The following DLG2 variants were observed in gnomAD, a reference collection of about 807,000 sequenced individuals.
DLG2 encodes discs large MAGUK scaffold protein 2.
DLG2 carries 45 observed loss-of-function variants against 132.5 expected under a neutral mutation model. That is an observed-to-expected ratio of 0.34 (90% CI 0.27 to 0.44). DLG2 has a LOEUF of 0.44. DLG2 is among the 20% of genes least tolerant of loss of function. DLG2 has a pLI of 1.00. For synonymous variants in DLG2, 424 were observed against 419.6 expected, an observed-to-expected ratio of 1.01 and a Z score of -0.13; for missense variants, 1,045 against 1,196.9, an observed-to-expected ratio of 0.87 and a Z score of 1.87.
intron 6 of DLG2, among the ~76,000 whole-genome samples, chr11:84,983,734 A>AT (rs2056096687): frequency 6.6e-6 from 1 of 152,216 alleles, no homozygotes; most frequent in African/African-American, 2.4e-5. Context: ...ATTTAAGGAA[A>AT]TTTTTTAAAA....
At chr11:85,109,554 G>C (rs990643586) in intron 6 of DLG2, among the ~76,000 whole-genome samples, 1 of 152,042 alleles carries the variant, frequency 6.6e-6, no homozygotes, top group Non-Finnish European at 1.5e-5. Context: ...TAATTCAAAA[G>C]ACAGAATCCT....
intron 11 of DLG2, among the ~76,000 whole-genome samples, chr11:83,998,439 T>G (rs1486800910): frequency 6.6e-6 from 1 of 152,124 alleles, no homozygotes; most frequent in African/African-American, 2.4e-5. Context: ...GAGAAAATAC[T>G]GGAATGTAAT....
At chr11:83,484,043 C>G in intron 22 of DLG2, 86 bp downstream of exon 22, 2 of 1,058,454 alleles carry the variant, frequency 1.9e-6, no homozygotes, top group Non-Finnish European at 2.9e-6. Flanking sequence ...AGGTGTGTGG[C>G]GTGGGAGAGC....
At position 85,263,102 on chromosome 11, in the gene DLG2, G is replaced by A. The variant is rs116113471; in HGVS notation, c.186+22118C>T. ...ACTTATGTCTGCTGAGGGACTCCAA[G>A]ATGCACTTTCCAAAGGGCATCCCAT... On this transcript the variant is annotated intron_variant, in intron 4 of 27. Transcript: ENST00000376104. 6.0e-4 allele frequency among the ~76,000 whole-genome samples: 92 copies of A among 152,274 alleles called. 1 individual carries two copies. The highest frequency in any genetic ancestry group is 2.1e-3 in the African/African-American group (88 of 41,572).
intron 18 of DLG2, among the ~76,000 whole-genome samples, chr11:83,777,639 G>A (rs759425903): frequency 5.9e-5 from 9 of 152,070 alleles, no homozygotes; most frequent in Admixed American, 1.3e-4. Flanking sequence ...AAACCCCCAA[G>A]AAACAATAAA....
At chr11:84,229,526 G>A (rs1475957141) in intron 8 of DLG2, among the ~76,000 whole-genome samples, 2 of 152,210 alleles carry the variant, frequency 1.3e-5, no homozygotes, top group Non-Finnish European at 2.9e-5. Flanking sequence ...CAGACTCTCT[G>A]AGTGAGCACT....
intron 7 of DLG2, among the ~76,000 whole-genome samples, chr11:84,478,845 G>C (rs937708641): frequency 6.6e-6 from 1 of 151,898 alleles, no homozygotes; most frequent in African/African-American, 2.4e-5. Context: ...CCCAAAACTA[G>C]AATCTTTGAC....
intron 6 of DLG2, among the ~76,000 whole-genome samples, chr11:84,870,670 A>T (rs1030735725): frequency 1.3e-5 from 2 of 152,224 alleles, no homozygotes; most frequent in Non-Finnish European, 2.9e-5. Context: ...TATATTCATC[A>T]CTGTGTACAT....
At chr11:85,000,861 C>G (rs1371278796) in intron 6 of DLG2, among the ~76,000 whole-genome samples, 1 of 152,056 alleles carries the variant, frequency 6.6e-6, no homozygotes, top group Non-Finnish European at 1.5e-5. Context: ...TCTGAGAACA[C>G]AGCCTCATCA....
chr11:85,413,523 T>A (rs1366302457), intron 3 of DLG2, among the ~76,000 whole-genome samples: 1 of 152,008 alleles, frequency 6.6e-6, no homozygotes, highest in Admixed American at 6.6e-5. Context: ...ATTCTAGAAT[T>A]TTTAGAGTTT....
chr11:84,442,002 G>C (rs554603518), intron 7 of DLG2, among the ~76,000 whole-genome samples: 1 of 152,290 alleles, frequency 6.6e-6, no homozygotes, highest in South Asian at 2.1e-4. Flanking sequence ...CCAGTACCAT[G>C]CTGTTTTGGT....
chr11:84,244,510 G>A (rs758959490), intron 8 of DLG2, among the ~76,000 whole-genome samples: 87 of 152,316 alleles, frequency 5.7e-4, no homozygotes, highest in Middle Eastern at 3.4e-3. Context: ...AAGCAGTTAA[G>A]AGTAGGGATT....
chr11:83,916,308 G>GT (rs749700364), intron 15 of DLG2, among the ~76,000 whole-genome samples: 286 of 148,284 alleles, frequency 1.9e-3, no homozygotes, highest in Admixed American at 5.5e-3. Context: ...TAAATTTAGG[G>GT]TTTTTTTTTT....
intron 4 of DLG2, among the ~76,000 whole-genome samples, chr11:85,218,622 G>A (rs185372691): frequency 2.6e-5 from 4 of 152,272 alleles, no homozygotes; most frequent in African/African-American, 9.6e-5. Context: ...TGTTGAGAAT[G>A]TAAATTAGTC....
chr11:83,906,264 C>CACAG (rs1192323652), intron 15 of DLG2, among the ~76,000 whole-genome samples: 2,645 of 25,366 alleles, frequency 0.1, 102 homozygotes, highest in South Asian at 0.17. Context: ...CTCTCACACA[C>CACAG]ACACACACAC....
At chr11:84,902,566 G>T (rs370069423) in intron 6 of DLG2, among the ~76,000 whole-genome samples, 1 of 152,114 alleles carries the variant, frequency 6.6e-6, no homozygotes, top group Non-Finnish European at 1.5e-5. Flanking sequence ...GGTTCTGTCC[G>T]TAGCTATTCT....
intron 11 of DLG2, among the ~76,000 whole-genome samples, chr11:84,006,698 T>C (rs2094588938): frequency 6.6e-6 from 1 of 151,626 alleles, no homozygotes; most frequent in South Asian, 2.1e-4. Flanking sequence ...ATATTCTGTG[T>C]CATTGGTAAT....
intron 6 of DLG2, among the ~76,000 whole-genome samples, chr11:85,096,044 A>G (rs773442223): frequency 3.3e-5 from 5 of 152,182 alleles, no homozygotes; most frequent in Non-Finnish European, 7.3e-5. Context: ...GTGTCTAGCT[A>G]AATGATTGTA....
At chr11:84,158,542 A>G (rs2095480036) in intron 9 of DLG2, among the ~76,000 whole-genome samples, 1 of 152,190 alleles carries the variant, frequency 6.6e-6, no homozygotes, top group Non-Finnish European at 1.5e-5. Context: ...TAAAGCTATG[A>G]TTTTTGGCAA....
Sources: gnomAD v4.1 joint callset for allele counts (sites outside exome capture counted in the v4.1 genomes callset) on GRCh38, gnomAD v4.1.1 for gene constraint, MANE v1.5 for transcripts, NCBI Gene and HGNC (gene_info 2026-07-23, HGNC 2026-07-21) for gene names.